TPR: variants seen among roughly 807,000 people sequenced by gnomAD.
TPR encodes the protein translocated promoter region, nuclear basket protein, also known as nucleoprotein TPR.
A neutral mutation model predicts 316.1 loss-of-function variants in TPR; 51 were observed. The observed-to-expected ratio is 0.16, with a 90% CI of 0.13 to 0.20. The LOEUF (loss-of-function observed/expected upper bound fraction) is 0.20, where lower values mean the gene tolerates loss of function less well. Among genes scored for constraint, TPR ranks in the 10% least tolerant of loss-of-function variants. TPR has a pLI of 1.00. For synonymous variants in TPR, 981 were observed against 914.7 expected (o/e 1.07, Z -1.31); for missense variants, 2,272 against 2,754.8 (o/e 0.82, Z 3.92).
intron 18 of TPR, 41 bp downstream of exon 18, chr1:186,353,647 G>A: frequency 1.9e-6 from 3 of 1,584,018 alleles, no homozygotes; most frequent in Non-Finnish European, 2.6e-6. Context: ...AATGTCAAAT[G>A]CAACTTATAA....
chr1:186,347,441 CTTT>C lies in TPR; in HGVS notation c.2791_2793del (p.Lys931del), dbSNP rs1658716600. The C allele has an allele frequency of 6.2e-7, 1 of 1,613,752 alleles. No homozygotes were observed. The highest frequency in any genetic ancestry group is 8.5e-7 in the Non-Finnish European group (1 of 1,179,934). On this transcript the variant is annotated inframe_deletion, in exon 22 of 51. Coordinates refer to ENST00000367478, the MANE Select transcript of TPR (RefSeq NM_003292.3). ...TGACTCACAAGATCATCCACATCTT[CTTT>C]GTTGCTAGGCTGACCTAAAAGACAT...
At chr1:186,345,355 GT>G (rs901078680) in intron 24 of TPR, among the ~76,000 whole-genome samples, 1 of 152,092 alleles carries the variant, frequency 6.6e-6, no homozygotes, top group African/African-American at 2.4e-5. Flanking sequence ...TCCTAGTCCT[GT>G]TTTTATTTTC....
rs1400836575 is a variant in TPR, at chr1:186,311,848, T to C, written c.*2123A>G. On this transcript the variant is annotated 3_prime_UTR_variant, in exon 51 of 51. Transcript: ENST00000367478. ...ATGTCATTTACTTTCGCTTCACAAATGTGCATGTCATCCTTGCACAAGGGC... is the reference window on the plus strand; with the variant it reads ...ATGTCATTTACTTTCGCTTCACAAACGTGCATGTCATCCTTGCACAAGGGC... The C allele has an allele frequency of 1.7e-6, 1 of 573,784 alleles. No individual in the cohort carries two copies. Among genetic ancestry groups the C allele is most frequent in the Non-Finnish European group, 3.1e-6 (1 of 326,834 alleles). The allele number at this position is 573,784 out of a possible 1,614,324, so 35.5% of individuals were successfully genotyped here.
chr1:186,346,962 T>C (rs1455901937), intron 22 of TPR, among the ~76,000 whole-genome samples: 1 of 152,134 alleles, frequency 6.6e-6, no homozygotes, highest in Admixed American at 6.5e-5. Flanking sequence ...CTATTTCCTA[T>C]ACAGATACCT....
chr1:186,362,481 T>A (rs1571635525), intron 6 of TPR, 101 bp from the exon 7 acceptor site: 2 of 826,346 alleles, frequency 2.4e-6, no homozygotes, highest in East Asian at 5.5e-5. Flanking sequence ...TAACTCCCCC[T>A]CCCCACCTGA....
At chr1:186,347,844 C>T (rs576661583) in intron 21 of TPR, among the ~76,000 whole-genome samples, 166 of 152,134 alleles carry the variant, frequency 1.1e-3, no homozygotes, top group Non-Finnish European at 2.0e-3. Context: ...TAAATTGTGA[C>T]GATTTCATCT....
intron 45 of TPR, among the ~76,000 whole-genome samples, chr1:186,320,837 T>C (rs1657755714): frequency 6.6e-6 from 1 of 152,214 alleles, no homozygotes; most frequent in African/African-American, 2.4e-5. Flanking sequence ...CTGTCTAGCT[T>C]ATTAAGAGTT....
intron 37 of TPR, 58 bp from the exon 38 acceptor site, chr1:186,332,401 A>C (rs1658192666): frequency 6.3e-7 from 1 of 1,576,710 alleles, no homozygotes; most frequent in Admixed American, 1.7e-5. Flanking sequence ...TTAGATAAAG[A>C]TAGTTTACCC....
chr1:186,321,587 TTAAA>T (rs1368691429), intron 45 of TPR, among the ~76,000 whole-genome samples: 2 of 152,200 alleles, frequency 1.3e-5, no homozygotes, highest in Non-Finnish European at 2.9e-5. Context: ...AGTTATGAGG[TTAAA>T]TAAACTAATG....
Position 186,330,339 on chromosome 1 carries a change from T to C in TPR, c.5688+1159A>G, listed in dbSNP as rs1021258054. ...ATCTCTGATTTACAATCCAGACCAC[T>C]ACAACTCTGACTGTAGAGAGCACTG... On this transcript the variant is annotated intron_variant, in intron 39 of 50. Transcript: ENST00000367478. 2.6e-5 allele frequency among the ~76,000 whole-genome samples: 4 copies of C among 152,222 alleles called. No individual in the cohort carries two copies. In the Middle Eastern group the frequency reaches 0.01, roughly 388 times the overall value.
At chr1:186,316,328 A>G (rs962841661) in intron 49 of TPR, among the ~76,000 whole-genome samples, 2 of 152,204 alleles carry the variant, frequency 1.3e-5, no homozygotes, top group African/African-American at 4.8e-5. Context: ...TAATGTATAG[A>G]AATTTAAAGT....
At position 186,356,431 on chromosome 1, in the gene TPR, G is replaced by C; in HGVS notation, c.1743C>G (p.Leu581=). ...TTSSKITELQ[L]KLESALTELE... is the part of the protein sequence containing the mutation. Reference sequence around the variant, plus strand: ...GTTCAGTAAGGGCACTCTCAAGTTTGAGCTGAAGCTCAGTGATTCTGTAGA... The same window carrying C: ...GTTCAGTAAGGGCACTCTCAAGTTTCAGCTGAAGCTCAGTGATTCTGTAGA... The change falls in exon 15 of 51, where the codon CTC becomes CTG. Residue 581 remains leucine, a synonymous_variant. Transcript: ENST00000367478. 1 of 1,609,760 alleles carries C rather than the reference G, an allele frequency of 6.2e-7. No individual in the cohort carries two copies. The highest frequency in any genetic ancestry group is 1.3e-5 in the African/African-American group (1 of 75,016).
At chr1:186,335,215 T>C (rs960280456) in intron 34 of TPR, 86 bp from the exon 35 acceptor site, 74 of 1,548,574 alleles carry the variant, frequency 4.8e-5, no homozygotes, top group Admixed American at 1.2e-4. Context: ...TATTGTTAAT[T>C]CTCTCCGCAT....
intron 3 of TPR, among the ~76,000 whole-genome samples, chr1:186,368,495 ACCT>A (rs1181587336): frequency 2.0e-5 from 3 of 152,076 alleles, no homozygotes; most frequent in African/African-American, 7.2e-5. Context: ...CTGCGGTCCC[ACCT>A]ACTCAGGAAG....
At position 186,375,012 on chromosome 1, in the gene TPR, T is replaced by A. The variant is rs746592032; in HGVS notation, c.17A>T (p.Gln6Leu). 3.1e-6 allele frequency: 5 copies of A among 1,613,858 alleles called. No homozygotes were observed. The African/African-American group carries it at 6.7e-5, about 22-fold the overall frequency. ...CAGCTCCGTGCGCTCCAGGACTTGC[T>A]GCAACACCGCCGCCATGTCGGTGGG... is the stretch of plus-strand genomic sequence containing the variant. Reference protein sequence around the residue: MAAVLQQVLERTELNK... With the variant: MAAVLLQVLERTELNK... Residue 6 changes from glutamine to leucine, a missense_variant, in exon 1 of 51, where the codon CAG (glutamine) becomes CTG (leucine). Physicochemically the swap from Gln to Leu is moderately radical, Grantham distance 113 (BLOSUM62 -2). Transcript: ENST00000367478.
intron 24 of TPR, among the ~76,000 whole-genome samples, chr1:186,345,192 C>T (rs1658640524): frequency 6.6e-6 from 1 of 152,092 alleles, no homozygotes; most frequent in Non-Finnish European, 1.5e-5. Context: ...TCTGCGCAAA[C>T]TTGGTAATGC....
intron 37 of TPR, 103 bp from the exon 38 acceptor site, chr1:186,332,446 A>C (rs1470247322): frequency 1.4e-5 from 17 of 1,194,452 alleles, no homozygotes; most frequent in Non-Finnish European, 1.2e-6. Context: ...AACACAGTAA[A>C]CATTTAATTG....
intron 39 of TPR, among the ~76,000 whole-genome samples, chr1:186,330,747 A>C (rs1243448329): frequency 6.6e-6 from 1 of 152,044 alleles, no homozygotes; most frequent in Non-Finnish European, 1.5e-5. Flanking sequence ...ATCACTAATA[A>C]AGCTCTCCTT....
intron 19 of TPR, among the ~76,000 whole-genome samples, chr1:186,351,727 T>G (rs574635612): frequency 6.6e-6 from 1 of 152,260 alleles, no homozygotes; most frequent in Non-Finnish European, 1.5e-5. Flanking sequence ...AGAATTAATC[T>G]TATAAATAGT....
Sources: gnomAD v4.1 joint callset for allele counts (sites outside exome capture counted in the v4.1 genomes callset) on GRCh38, gnomAD v4.1.1 for gene constraint, MANE v1.5 for transcripts, NCBI Gene and HGNC (gene_info 2026-07-23, HGNC 2026-07-21) for gene names.